Variants in LRP12 observed in about 807,000 individuals in gnomAD.
LRP12 encodes the protein low-density lipoprotein receptor-related protein 12.
In LRP12, 14 loss-of-function variants were observed where a neutral mutation model predicts 66.0. The ratio of observed to expected loss-of-function variants is 0.21; its 90% CI spans 0.14 to 0.33. The LOEUF (loss-of-function observed/expected upper bound fraction) is 0.33, where lower values mean the gene tolerates loss of function less well. Ranked by LOEUF, LRP12 falls within the 10% of genes least tolerant of loss-of-function variation. The pLI, the probability that LRP12 is intolerant of heterozygous loss-of-function variation, is 1.00. For synonymous variants in LRP12, 357 were observed against 359.1 expected (o/e 0.99, Z 0.07); for missense variants, 889 against 1,053.4 (o/e 0.84, Z 2.16).
At chr8:104,549,980 G>A (rs931448772) in intron 1 of LRP12, among the ~76,000 whole-genome samples, 1 of 152,058 alleles carries the variant, frequency 6.6e-6, no homozygotes, top group African/African-American at 2.4e-5. Flanking sequence ...TAGAAAGTCT[G>A]TTCTCAGCAT....
At chr8:104,558,475 A>C (rs1388212439) in intron 1 of LRP12, among the ~76,000 whole-genome samples, 2 of 152,232 alleles carry the variant, frequency 1.3e-5, no homozygotes, top group Non-Finnish European at 2.9e-5. Context: ...TCAAGGACTT[A>C]AATCTAAGAC....
At chr8:104,570,063 TATGTATAATCTAACAAAAC>T (rs1453392177) in intron 1 of LRP12, among the ~76,000 whole-genome samples, 1 of 152,120 alleles carries the variant, frequency 6.6e-6, no homozygotes, top group Non-Finnish European at 1.5e-5. Context: ...CCAAATGAAA[TATGTATAATCTAACAAAAC>T]ATACAAAGGA....
chr8:104,528,214 G>A (rs1474412486), intron 2 of LRP12, among the ~76,000 whole-genome samples: 3 of 152,176 alleles, frequency 2.0e-5, no homozygotes, highest in African/African-American at 7.2e-5. Flanking sequence ...GCAGGGCACT[G>A]AGCACCGGCA....
At chr8:104,588,393 C>G (rs974402536) in intron 1 of LRP12, among the ~76,000 whole-genome samples, 3 of 152,158 alleles carry the variant, frequency 2.0e-5, no homozygotes, top group Non-Finnish European at 2.9e-5. Flanking sequence ...TTCCTAACCC[C>G]GGGTTGAGGG....
chr8:104,547,141 T>A (rs1481642131), intron 1 of LRP12, among the ~76,000 whole-genome samples: 1 of 145,042 alleles, frequency 6.9e-6, no homozygotes, highest in Admixed American at 7.1e-5. Context: ...GTATATAATA[T>A]ACAATTCTAT....
At chr8:104,553,280 C>T (rs1168926117) in intron 1 of LRP12, among the ~76,000 whole-genome samples, 1 of 152,154 alleles carries the variant, frequency 6.6e-6, no homozygotes, top group Admixed American at 6.5e-5. Context: ...GAAGTCTTGG[C>T]AGGGGCAGAG....
At chr8:104,524,223 CAA>C (rs1287801357) in intron 2 of LRP12, among the ~76,000 whole-genome samples, 1 of 103,412 alleles carries the variant, frequency 9.7e-6, no homozygotes, top group Non-Finnish European at 1.8e-5. Context: ...GCCTGGGTGA[CAA>C]AGTCAGACCC....
intron 2 of LRP12, among the ~76,000 whole-genome samples, chr8:104,524,241 C>CAAA (rs57379814): frequency 2.1e-5 from 2 of 96,772 alleles, no homozygotes; most frequent in Admixed American, 1.2e-4. Flanking sequence ...GACCCTGTCT[C>CAAA]AAAAAAAAAA....
At chr8:104,577,810 C>CAAAAAAA (rs34298645) in intron 1 of LRP12, among the ~76,000 whole-genome samples, 3 of 111,032 alleles carry the variant, frequency 2.7e-5, no homozygotes, top group African/African-American at 3.5e-5. Context: ...GACTCCATCT[C>CAAAAAAA]AAAAAAAAAA....
At chr8:104,549,626 T>A (rs779586635) in intron 1 of LRP12, among the ~76,000 whole-genome samples, 1 of 151,972 alleles carries the variant, frequency 6.6e-6, no homozygotes, top group African/African-American at 2.4e-5. Flanking sequence ...ATGGTCTCGA[T>A]CTCCTGACCT....
At position 104,491,383 on chromosome 8, in the gene LRP12, C is replaced by T. The variant is rs1810626902; in HGVS notation, c.1870G>A (p.Asp624Asn). 6.2e-7 allele frequency: 1 copy of T among 1,614,030 alleles called. No individual in the cohort carries two copies. The highest frequency in any genetic ancestry group is 1.3e-5 in the African/African-American group (1 of 74,912). ...TGACTAGGGACAACCTCATCTCCAT[C>T]TGCTGAGACCAAAGCCAATGACCCA... ...HSGSLALVSADGDEVVPSQST... is the reference protein window; with the variant it reads ...HSGSLALVSANGDEVVPSQST... The change falls in exon 7 of 7, where the codon GAT becomes AAT. Residue 624 changes from aspartate to asparagine, a missense_variant. Physicochemically the swap from Asp to Asn is conservative, Grantham distance 23 (BLOSUM62 1). Coordinates refer to ENST00000276654, the MANE Select transcript of LRP12 (RefSeq NM_013437.5).
chr8:104,567,420 G>A (rs1158185200), intron 1 of LRP12, among the ~76,000 whole-genome samples: 5 of 152,108 alleles, frequency 3.3e-5, no homozygotes, highest in East Asian at 3.9e-4. Context: ...GGAAAGACTG[G>A]CCCCCCATGA....
At chr8:104,568,002 C>A (rs192160902) in intron 1 of LRP12, among the ~76,000 whole-genome samples, 152 of 152,108 alleles carry the variant, frequency 1.0e-3, no homozygotes, top group African/African-American at 3.4e-3. Flanking sequence ...AATTGGAATA[C>A]TCACACTTTC....
chr8:104,564,170 G>C (rs914118800), intron 1 of LRP12, among the ~76,000 whole-genome samples: 2 of 152,076 alleles, frequency 1.3e-5, no homozygotes, highest in East Asian at 3.9e-4. Context: ...CTCCAGATAT[G>C]TAAAAGGTAA....
chr8:104,500,359 A>C (rs973116521), intron 3 of LRP12, among the ~76,000 whole-genome samples: 1 of 152,240 alleles, frequency 6.6e-6, no homozygotes, highest in Non-Finnish European at 1.5e-5. Context: ...AATAACTAAC[A>C]AAAGCTGATA....
intron 1 of LRP12, among the ~76,000 whole-genome samples, chr8:104,564,685 C>T (rs1409459168): frequency 6.6e-6 from 1 of 151,864 alleles, no homozygotes; most frequent in African/African-American, 2.4e-5. Flanking sequence ...AATTCCAGCA[C>T]TTTGGGAGGC....
intron 3 of LRP12, among the ~76,000 whole-genome samples, chr8:104,501,497 C>T (rs575776552): frequency 5.3e-5 from 8 of 152,058 alleles, no homozygotes; most frequent in Admixed American, 1.3e-4. Context: ...GTCAGGAGTT[C>T]GAGACCAGCC....
chr8:104,520,609 T>C (rs1355802643), intron 2 of LRP12, among the ~76,000 whole-genome samples: 1 of 152,032 alleles, frequency 6.6e-6, no homozygotes, highest in African/African-American at 2.4e-5. Flanking sequence ...CAGAGTACGT[T>C]TGCATGAAGA....
intron 2 of LRP12, among the ~76,000 whole-genome samples, chr8:104,519,982 T>C (rs796785036): frequency 3.3e-5 from 5 of 151,656 alleles, no homozygotes; most frequent in African/African-American, 1.2e-4. Flanking sequence ...ACAATCAAAC[T>C]ATAATCAAGG....
Sources: gnomAD v4.1 joint callset for allele counts (sites outside exome capture counted in the v4.1 genomes callset) on GRCh38, gnomAD v4.1.1 for gene constraint, MANE v1.5 for transcripts, NCBI Gene and HGNC (gene_info 2026-07-23, HGNC 2026-07-21) for gene names.